ARHGEF12: variants seen among roughly 807,000 people sequenced by gnomAD.
ARHGEF12 encodes the protein Rho guanine nucleotide exchange factor 12.
ARHGEF12 carries 66 observed loss-of-function variants against 211.2 expected under a neutral mutation model. The ratio of observed to expected loss-of-function variants is 0.31; its 90% CI spans 0.26 to 0.38. The LOEUF is 0.38. ARHGEF12 is among the 10% of genes least tolerant of loss of function. ARHGEF12 has a pLI of 1.00. For missense variants in ARHGEF12, 1,429 were observed against 1,869.5 expected (o/e 0.76, Z 4.34); for synonymous variants, 592 against 638.4 (o/e 0.93, Z 1.09).
chr11:120,442,675 A>T (rs535499202), intron 15 of ARHGEF12, among the ~76,000 whole-genome samples: 1 of 152,238 alleles, frequency 6.6e-6, no homozygotes, highest in South Asian at 2.1e-4. Flanking sequence ...ATAACGTTAT[A>T]TTTTGTCATT....
chr11:120,347,020 C>T (rs1210774398), intron 1 of ARHGEF12, among the ~76,000 whole-genome samples: 4 of 152,024 alleles, frequency 2.6e-5, no homozygotes, highest in Non-Finnish European at 4.4e-5. Flanking sequence ...GTTCATAGAG[C>T]GTATCTAGAA....
intron 3 of ARHGEF12, chr11:120,408,423 G>C (rs34616770): frequency 0.11 from 17,333 of 152,060 alleles, 1,464 homozygotes; most frequent in Admixed American, 0.26. Context: ...AAAACATCTA[G>C]GCTTTTTCCT....
At chr11:120,345,518 ACGGTGAAACCC>A (rs1565415351) in intron 1 of ARHGEF12, among the ~76,000 whole-genome samples, 1 of 152,096 alleles carries the variant, frequency 6.6e-6, no homozygotes, top group African/African-American at 2.4e-5. Flanking sequence ...TCTGGCTAAC[ACGGTGAAACCC>A]CGTCTCTGCT....
Position 120,478,293 on chromosome 11 carries a change from A to G in ARHGEF12, c.3670A>G (p.Thr1224Ala), listed in dbSNP as rs775612778. Residue 1224 changes from threonine (T) to alanine (A), a missense_variant, in exon 37 of 41, where the codon ACA becomes GCA. Physicochemically the swap from Thr to Ala is moderately conservative, Grantham distance 58. This residue lies in a region of ARHGEF12 where 467 missense variants were observed against 468.4 expected (regional missense o/e 1.00). Coordinates refer to ENST00000397843, the MANE Select transcript of ARHGEF12 (RefSeq NM_015313.3). Reference protein sequence around the residue: ...QFAKEQHTDGTLKEVGEDYQI... With the variant: ...QFAKEQHTDGALKEVGEDYQI... Reference sequence around the variant, plus strand: ...TGCAAAGGAACAACATACAGATGGGACACTAAAGGAAGTTGGAGAAGATTA... The same window carrying G: ...TGCAAAGGAACAACATACAGATGGGGCACTAAAGGAAGTTGGAGAAGATTA... The G allele has an allele frequency of 3.7e-5, 59 of 1,614,086 alleles. No individual in the cohort carries two copies. Among genetic ancestry groups the G allele is most frequent in the Non-Finnish European group, 4.8e-5 (57 of 1,180,034 alleles).
At chr11:120,359,771 T>C (rs1409128031) in intron 1 of ARHGEF12, among the ~76,000 whole-genome samples, 4 of 152,150 alleles carry the variant, frequency 2.6e-5, no homozygotes, top group Non-Finnish European at 5.9e-5. Context: ...ACAGAAGTAC[T>C]TTCAAAGGCT....
At chr11:120,432,766 T>C (rs1945587008) in intron 11 of ARHGEF12, among the ~76,000 whole-genome samples, 1 of 152,216 alleles carries the variant, frequency 6.6e-6, no homozygotes, top group Admixed American at 6.5e-5. Flanking sequence ...TCTCTCTTAT[T>C]GAAGGTTGTT....
chr11:120,465,013 A>G (rs1296924281), intron 27 of ARHGEF12: 163 of 442,456 alleles, frequency 3.7e-4, no homozygotes, highest in Middle Eastern at 5.3e-4. Flanking sequence ...CAAAAAAAAG[A>G]AAAAAAAAAG....
At chr11:120,340,536 T>C (rs1942501078) in intron 1 of ARHGEF12, among the ~76,000 whole-genome samples, 1 of 152,224 alleles carries the variant, frequency 6.6e-6, no homozygotes, top group South Asian at 2.1e-4. Context: ...TATATGCCTG[T>C]ACCCAGTAAT....
chr11:120,351,040 A>G (rs1169519353), intron 1 of ARHGEF12, among the ~76,000 whole-genome samples: 1 of 152,046 alleles, frequency 6.6e-6, no homozygotes, highest in Admixed American at 6.6e-5. Context: ...GTAGGTGACA[A>G]AGAGCATTTT....
At chr11:120,369,206 G>A (rs1197756436) in intron 1 of ARHGEF12, among the ~76,000 whole-genome samples, 2 of 140,480 alleles carry the variant, frequency 1.4e-5, no homozygotes, top group African/African-American at 2.7e-5. Flanking sequence ...TCAGCTCACT[G>A]TAGCCTCTGC....
At chr11:120,386,495 T>C (rs1372867408) in intron 1 of ARHGEF12, among the ~76,000 whole-genome samples, 2 of 152,156 alleles carry the variant, frequency 1.3e-5, no homozygotes, top group African/African-American at 4.8e-5. Flanking sequence ...GTTATCATAC[T>C]GTTTGCCACA....
In ARHGEF12 at chr11:120,431,760, A is replaced by C; in HGVS notation, c.784-11A>C. 7.7e-6 allele frequency: 12 copies of C among 1,559,692 alleles called. No homozygotes were observed. The highest frequency in any genetic ancestry group is 1.0e-5 in the Non-Finnish European group (12 of 1,154,474). On this transcript the variant is annotated splice_polypyrimidine_tract_variant and intron_variant, in intron 10 of 40. Transcript: ENST00000397843. ...GTTTGTGTGCGCGTGTTTTTCTTTCATCTGTTTTAGGATGGAGCTGTAGTT... is the reference window on the plus strand; with the variant it reads ...GTTTGTGTGCGCGTGTTTTTCTTTCCTCTGTTTTAGGATGGAGCTGTAGTT...
intron 5 of ARHGEF12, among the ~76,000 whole-genome samples, chr11:120,421,455 T>TG (rs1456498209): frequency 0.063 from 6,257 of 99,440 alleles, 297 homozygotes; most frequent in African/African-American, 0.084. Context: ...TTTTTTTTTT[T>TG]GGAGATGGAG....
At position 120,479,994 on chromosome 11, in the gene ARHGEF12, A is replaced by G; in HGVS notation, c.3801A>G (p.Leu1267=). 6.2e-7 allele frequency: 1 copy of G among 1,614,012 alleles called. No individual in the cohort carries two copies. The highest frequency in any genetic ancestry group is 8.5e-7 in the Non-Finnish European group (1 of 1,179,948). The part of the protein sequence containing the change: ...GLLKQLLVQQ[L]GLTEKSVQED... ...TGAAGCAGTTGCTGGTGCAACAGCT[A>G]GGTTTGACTGAGAAGAGCGTTCAGG... The change falls in exon 38 of 41, where the codon CTA becomes CTG. Residue 1267 remains leucine (L), a synonymous_variant. Transcript: ENST00000397843.
At chr11:120,462,988 G>C (rs996751674) in intron 27 of ARHGEF12, 6 of 152,194 alleles carry the variant, frequency 3.9e-5, no homozygotes, top group Non-Finnish European at 7.3e-5. Context: ...CTCCTGGTCA[G>C]CCATGTGATC....
intron 20 of ARHGEF12, chr11:120,448,856 A>G (rs1208787800): frequency 1.3e-5 from 5 of 398,344 alleles, no homozygotes; most frequent in Non-Finnish European, 2.2e-5. Flanking sequence ...TTCCTGGTAA[A>G]TGTGCTATAA....
chr11:120,425,994 C>T (rs1945335190), intron 7 of ARHGEF12, among the ~76,000 whole-genome samples: 1 of 151,984 alleles, frequency 6.6e-6, no homozygotes, highest in South Asian at 2.1e-4. Flanking sequence ...TAACTTTTTT[C>T]TTGGCCTTTT....
chr11:120,483,004 T>C (rs1009270894), intron 39 of ARHGEF12, among the ~76,000 whole-genome samples: 60 of 152,192 alleles, frequency 3.9e-4, no homozygotes, highest in African/African-American at 1.4e-3. Flanking sequence ...GGTTCTTATA[T>C]ACAGTCATGT....
rs11217892 is a variant in ARHGEF12 at position 120,487,406 on chromosome 11, C to T, written c.*2329C>T. ...ATGAAGTCTAATTCTGAAAATATCT[C>T]ACAATTTTTGAATGTTCTTTTTATC... On this transcript the variant is annotated 3_prime_UTR_variant, in exon 41 of 41. Transcript: ENST00000397843. 5.5e-3 allele frequency: 1,194 copies of T among 218,302 alleles called. 10 individuals are homozygous for T. The highest frequency in any genetic ancestry group is 8.9e-3 in the Non-Finnish European group (968 of 108,696). The allele number at this position is 218,302 out of a possible 1,614,324, so 13.5% of individuals were successfully genotyped here.
Sources: gnomAD v4.1 joint callset for allele counts (sites outside exome capture counted in the v4.1 genomes callset) on GRCh38, gnomAD v4.1.1 for gene constraint, gnomAD v4.1.1 regional missense constraint, MANE v1.5 for transcripts, NCBI Gene and HGNC (gene_info 2026-07-23, HGNC 2026-07-21) for gene names.